The following CNTN5 variants were observed in gnomAD, a reference collection of about 807,000 sequenced individuals.
CNTN5 encodes contactin-5.
Under a neutral mutation model 129.1 loss-of-function variants are expected in CNTN5, and 77 were observed. That is an observed-to-expected ratio of 0.60 (90% CI 0.50 to 0.72). The LOEUF (loss-of-function observed/expected upper bound fraction) is 0.72. Ranked by LOEUF, CNTN5 falls within the 30% of genes least tolerant of loss-of-function variation. CNTN5 has a pLI of 0.00. For missense variants in CNTN5, 1,478 were observed against 1,328.8 expected, an observed-to-expected ratio of 1.11 and a Z score of -1.75; for synonymous variants, 509 against 465.6, an observed-to-expected ratio of 1.09 and a Z score of -1.20.
At chr11:99,316,436 G>A (rs778414967) in intron 1 of CNTN5, among the ~76,000 whole-genome samples, 1 of 152,030 alleles carries the variant, frequency 6.6e-6, no homozygotes, top group Non-Finnish European at 1.5e-5. Flanking sequence ...TAAAATCTGA[G>A]AAATTATTTC....
chr11:99,824,131 T>C (rs1946882203), intron 4 of CNTN5, among the ~76,000 whole-genome samples: 2 of 152,060 alleles, frequency 1.3e-5, no homozygotes, highest in African/African-American at 2.4e-5. Flanking sequence ...TTTTCATGCC[T>C]CATTGGTAAT....
chr11:99,197,681 T>C (rs1370717822), intron 1 of CNTN5, among the ~76,000 whole-genome samples: 3 of 152,098 alleles, frequency 2.0e-5, no homozygotes, highest in African/African-American at 7.2e-5. Flanking sequence ...TTCTTATACA[T>C]GCTTGTGTTT....
intron 1 of CNTN5, among the ~76,000 whole-genome samples, chr11:99,085,224 T>C (rs1213595385): frequency 6.6e-6 from 1 of 150,400 alleles, no homozygotes; most frequent in African/African-American, 2.5e-5. Context: ...TTTGTATTTT[T>C]AGTAGAGACG....
At chr11:99,157,683 A>G (rs1565363832) in intron 1 of CNTN5, among the ~76,000 whole-genome samples, 1 of 152,154 alleles carries the variant, frequency 6.6e-6, no homozygotes, top group Non-Finnish European at 1.5e-5. Context: ...TCTCTATGTT[A>G]ACTTTATATA....
chr11:100,204,716 A>C (rs1332067851), intron 15 of CNTN5, among the ~76,000 whole-genome samples: 1 of 151,928 alleles, frequency 6.6e-6, no homozygotes, highest in Non-Finnish European at 1.5e-5. Flanking sequence ...AGTATTTTTA[A>C]TGTTGTCCTA....
intron 2 of CNTN5, among the ~76,000 whole-genome samples, chr11:99,360,022 A>G (rs1162250923): frequency 6.6e-6 from 1 of 152,156 alleles, no homozygotes; most frequent in Non-Finnish European, 1.5e-5. Flanking sequence ...CCCCATAAAT[A>G]CATATACCCA....
intron 2 of CNTN5, among the ~76,000 whole-genome samples, chr11:99,372,525 A>G (rs749796924): frequency 5.3e-5 from 8 of 152,164 alleles, no homozygotes; most frequent in Non-Finnish European, 8.8e-5. Flanking sequence ...AACCTCTTGG[A>G]GAGGGGAAAA....
chr11:99,248,324 G>A (rs186807527), intron 1 of CNTN5, among the ~76,000 whole-genome samples: 2,598 of 152,068 alleles, frequency 0.017, 84 homozygotes, highest in African/African-American at 0.059. Context: ...TTTTTTTCTT[G>A]TAAATTTGTT....
rs535817037 is a variant in CNTN5 at position 100,216,071 on chromosome 11, A to G, written c.1885-8621A>G. Among the ~76,000 whole-genome samples the G allele has an allele frequency of 9.8e-5, 15 of 152,320 alleles. 1 individual carries two copies. Among genetic ancestry groups the G allele is most frequent in the African/African-American group, 3.6e-4 (15 of 41,584 alleles). On this transcript the variant is annotated intron_variant, in intron 15 of 24. Transcript: ENST00000524871. ...TTCTTAGAGTTCCATACAAAAATCA[A>G]TGAAGCACAGAGTGGTCTACTACAA...
chr11:99,354,098 C>G (rs1012474181), intron 2 of CNTN5, among the ~76,000 whole-genome samples: 1 of 152,120 alleles, frequency 6.6e-6, no homozygotes, highest in South Asian at 2.1e-4. Flanking sequence ...TAACGTGATA[C>G]CTCCCTTAAC....
intron 3 of CNTN5, among the ~76,000 whole-genome samples, chr11:99,736,887 G>A (rs1224510157): frequency 6.6e-6 from 1 of 151,944 alleles, no homozygotes; most frequent in Non-Finnish European, 1.5e-5. Context: ...ATAAACAGAT[G>A]GATCAGCTGT....
At chr11:99,134,679 A>G (rs1437407640) in intron 1 of CNTN5, among the ~76,000 whole-genome samples, 1 of 149,024 alleles carries the variant, frequency 6.7e-6, no homozygotes, top group Non-Finnish European at 1.5e-5. Context: ...GATGAGTTAT[A>G]GGTAAATTAT....
intron 3 of CNTN5, among the ~76,000 whole-genome samples, chr11:99,761,581 C>T (rs1944584067): frequency 6.6e-6 from 1 of 151,972 alleles, no homozygotes. Context: ...CATGTCCCTA[C>T]AAAGGACATG....
chr11:99,884,406 G>T (rs1025547726), intron 6 of CNTN5, among the ~76,000 whole-genome samples: 5 of 152,068 alleles, frequency 3.3e-5, no homozygotes, highest in African/African-American at 9.7e-5. Context: ...TGACCAAAGA[G>T]ATTTGAAAAA....
chr11:99,816,105 A>G (rs540761297), intron 3 of CNTN5, among the ~76,000 whole-genome samples: 144 of 152,294 alleles, frequency 9.5e-4, no homozygotes, highest in Middle Eastern at 3.4e-3. Context: ...GAGAACACTG[A>G]TCTTCAAAAC....
intron 1 of CNTN5, among the ~76,000 whole-genome samples, chr11:99,280,597 C>T (rs1160968411): frequency 6.6e-6 from 1 of 151,680 alleles, no homozygotes; most frequent in Non-Finnish European, 1.5e-5. Context: ...AAAATCTCCA[C>T]CCTGAAATTT....
At position 99,695,341 on chromosome 11, in the gene CNTN5, GTGA is replaced by G. The variant is rs1954223045; in HGVS notation, c.56-124200_56-124198del. On this transcript the variant is annotated intron_variant, in intron 3 of 24. Transcript: ENST00000524871. Reference sequence around the variant, plus strand: ...CCCACAAGCAGGGTAGCATTGATGAGTGATGTTTTGTACAGTGTGTATATTTTC... The same window carrying G: ...CCCACAAGCAGGGTAGCATTGATGAGTGTTTTGTACAGTGTGTATATTTTC... Among the ~76,000 whole-genome samples the G allele has an allele frequency of 2.6e-5, 4 of 151,934 alleles. No individual in the cohort carries two copies. In the South Asian group the frequency reaches 8.3e-4, roughly 31 times the overall value.
At chr11:99,221,196 T>G (rs1345190368) in intron 1 of CNTN5, among the ~76,000 whole-genome samples, 1 of 151,950 alleles carries the variant, frequency 6.6e-6, no homozygotes, top group East Asian at 1.9e-4. Context: ...ATAATTTTTA[T>G]TCATTTATGA....
chr11:99,947,085 CATG>C (rs1260514580), intron 7 of CNTN5, among the ~76,000 whole-genome samples: 25 of 145,956 alleles, frequency 1.7e-4, no homozygotes, highest in African/African-American at 6.5e-4. Context: ...AAAATATAAA[CATG>C]ATTATAAAAA....
Sources: gnomAD v4.1 joint callset for allele counts (sites outside exome capture counted in the v4.1 genomes callset) on GRCh38, gnomAD v4.1.1 for gene constraint, MANE v1.5 for transcripts, NCBI Gene and HGNC (gene_info 2026-07-23, HGNC 2026-07-21) for gene names.